Variants in MTCL1 observed in about 807,000 individuals in gnomAD.
MTCL1 encodes microtubule crosslinking factor 1.
MTCL1 carries 79 observed loss-of-function variants against 141.4 expected under a neutral mutation model. The observed-to-expected ratio is 0.56, with a 90% CI of 0.47 to 0.67. MTCL1 has a LOEUF of 0.67. Among genes scored for constraint, MTCL1 ranks in the 30% least tolerant of loss-of-function variants. MTCL1 has a pLI of 0.00. For synonymous variants in MTCL1, 914 were observed against 875.8 expected (o/e 1.04, Z -0.77); for missense variants, 2,177 against 2,113.9 (o/e 1.03, Z -0.59).
chr18:8,706,149 G>A (rs2096057839), exon 1 of MTCL1: 1 of 1,219,268 alleles, frequency 8.2e-7, no homozygotes, highest in Admixed American at 4.3e-5. Flanking sequence ...GCAAAGCCAA[G>A]CGCGGCTCCC....
exon 9 of MTCL1, chr18:8,796,399 G>T: frequency 6.2e-7 from 1 of 1,614,176 alleles, no homozygotes; most frequent in Non-Finnish European, 8.5e-7. Context: ...TCAAACTCAG[G>T]TGGCTGCTGA....
Position 8,792,885 on chromosome 18 carries a change from C to G in MTCL1, c.1888-113C>G, listed in dbSNP as rs1220234950. 9 of 1,441,788 alleles carry G rather than the reference C, an allele frequency of 6.2e-6. No individual in the cohort carries two copies. The African/African-American group carries it at 1.3e-4, about 20-fold the overall frequency. 89.3% of individuals were successfully genotyped at this position (1,441,788 alleles called of 1,614,324 possible). ...TCACTCCACTGCTGCAGTGCCCACACATGCTGTGTCGCTCCGTGTGCGTCC... is the reference window on the plus strand; with the variant it reads ...TCACTCCACTGCTGCAGTGCCCACAGATGCTGTGTCGCTCCGTGTGCGTCC... On this transcript the variant is annotated intron_variant, in intron 7 of 16. Coordinates refer to ENST00000359865, the Ensembl canonical transcript of MTCL1.
intron 4 of MTCL1, among the ~76,000 whole-genome samples, chr18:8,724,649 C>T (rs1213116134): frequency 6.6e-6 from 1 of 152,144 alleles, no homozygotes; most frequent in East Asian, 1.9e-4. Flanking sequence ...TTGCATGACA[C>T]AGCAGCCTAT....
At chr18:8,713,488 C>G (rs1345870488), upstream of MTCL1, among the ~76,000 whole-genome samples, 1 of 152,148 alleles carries the variant, frequency 6.6e-6, no homozygotes, top group Non-Finnish European at 1.5e-5. Context: ...TTCTGCAATA[C>G]AGTTTTCTAA....
intron 1 of MTCL1, among the ~76,000 whole-genome samples, chr18:8,709,444 T>C (rs1013028247): frequency 1.3e-5 from 2 of 152,158 alleles, no homozygotes; most frequent in African/African-American, 2.4e-5. Context: ...TCCTCCCTCC[T>C]TGCCCTCCCA....
intron 5 of MTCL1, among the ~76,000 whole-genome samples, chr18:8,778,505 A>T (rs928794512): frequency 6.6e-6 from 1 of 152,226 alleles, no homozygotes; most frequent in African/African-American, 2.4e-5. Context: ...TCTGAGAGCA[A>T]GTAGTAATTA....
chr18:8,803,566 G>A (rs745863719), intron 10 of MTCL1, among the ~76,000 whole-genome samples: 3 of 152,170 alleles, frequency 2.0e-5, no homozygotes, highest in African/African-American at 4.8e-5. Context: ...CACTTTTGCC[G>A]TTGTGTGCTA....
In MTCL1 at chr18:8,779,632, G is replaced by A. The variant is rs918238497; in HGVS notation, c.417+1740G>A. 4.6e-5 allele frequency among the ~76,000 whole-genome samples: 7 copies of A among 151,956 alleles called. No homozygotes were observed. Among genetic ancestry groups the A allele is most frequent in the Non-Finnish European group, 8.8e-5 (6 of 67,990 alleles). ...CAGCGGGCCCTGCTCCAGCTGCCTCGACCTCACGGAAGACGTCTGACTCCT... is the reference window on the plus strand; with the variant it reads ...CAGCGGGCCCTGCTCCAGCTGCCTCAACCTCACGGAAGACGTCTGACTCCT... On this transcript the variant is annotated intron_variant, in intron 5 of 16. Transcript: ENST00000359865. This position sits in a 1 kb window ranked among gnomAD's most constrained non-coding sequence, Gnocchi z 4.1.
exon 6 of MTCL1, chr18:8,784,411 A>G (rs760420422): frequency 6.5e-7 from 1 of 1,527,790 alleles, no homozygotes; most frequent in South Asian, 1.3e-5. Context: ...GCGGGAAGCC[A>G]TCGGAGGCCA....
intron 2 of MTCL1, among the ~76,000 whole-genome samples, 179 bp from the exon 2 acceptor site, chr18:8,718,245 A>G (rs1463716716): frequency 3.9e-5 from 6 of 152,198 alleles, no homozygotes; most frequent in Non-Finnish European, 7.3e-5. Flanking sequence ...ACTCAATTAT[A>G]TTATCTCATA....
At chr18:8,795,891 C>G (rs188866821) in intron 8 of MTCL1, among the ~76,000 whole-genome samples, 113 of 152,306 alleles carry the variant, frequency 7.4e-4, no homozygotes, top group African/African-American at 2.1e-3. Context: ...GTGGAATCTG[C>G]TTACACCGGA....
At chr18:8,758,649 C>G (rs745788337) in intron 4 of MTCL1, among the ~76,000 whole-genome samples, 1 of 152,156 alleles carries the variant, frequency 6.6e-6, no homozygotes, top group Non-Finnish European at 1.5e-5. Context: ...GACTGCGTTC[C>G]TTTGTGCTGA....
At chr18:8,732,003 C>T (rs1035234718) in intron 4 of MTCL1, among the ~76,000 whole-genome samples, 9 of 152,214 alleles carry the variant, frequency 5.9e-5, no homozygotes, top group African/African-American at 2.2e-4. Flanking sequence ...GCCACTGTGT[C>T]CCGCCTCAAA....
intron 10 of MTCL1, among the ~76,000 whole-genome samples, chr18:8,803,573 G>A (rs796309611): frequency 1.3e-4 from 20 of 152,272 alleles, no homozygotes; most frequent in African/African-American, 4.6e-4. Context: ...GCCGTTGTGT[G>A]CTAATGGCAG....
intron 4 of MTCL1, among the ~76,000 whole-genome samples, chr18:8,777,008 G>A (rs1171555725): frequency 6.6e-6 from 1 of 152,216 alleles, no homozygotes; most frequent in Non-Finnish European, 1.5e-5. Flanking sequence ...GCTGAGGCAG[G>A]TGGATCACGA....
upstream of MTCL1, among the ~76,000 whole-genome samples, chr18:8,712,486 C>G (rs939210680): frequency 6.6e-6 from 1 of 152,236 alleles, no homozygotes; most frequent in African/African-American, 2.4e-5. Context: ...AAGCAGTGCT[C>G]TGTAGCTGAG....
chr18:8,720,521 G>GC, intron 4 of MTCL1, 25 bp downstream of exon 3: 1 of 1,605,704 alleles, frequency 6.2e-7, no homozygotes. Context: ...TGGGGGTCCT[G>GC]CCCCCTTGGA....
chr18:8,778,225 G>A (rs2096519299), intron 5 of MTCL1, among the ~76,000 whole-genome samples: 1 of 152,240 alleles, frequency 6.6e-6, no homozygotes, highest in Non-Finnish European at 1.5e-5. Context: ...CATCCACACA[G>A]TGAAATGAAA....
At chr18:8,722,953 C>T (rs1313574020) in intron 4 of MTCL1, among the ~76,000 whole-genome samples, 1 of 152,138 alleles carries the variant, frequency 6.6e-6, no homozygotes, top group Non-Finnish European at 1.5e-5. Flanking sequence ...TCTTGACATT[C>T]AAAAGCAAGG....
Sources: allele counts gnomAD v4.1 joint callset (sites outside exome capture counted in the v4.1 genomes callset), GRCh38; gene constraint gnomAD v4.1.1; non-coding constraint Gnocchi (gnomAD v3.1); transcripts MANE v1.5; gene names NCBI Gene and HGNC (gene_info 2026-07-23, HGNC 2026-07-21).